AIDA: variants seen among roughly 807,000 people sequenced by gnomAD.
AIDA encodes the protein axin interactor, dorsalization-associated protein.
In AIDA, 18 loss-of-function variants were observed where a neutral mutation model predicts 42.7. The observed-to-expected ratio is 0.42, with a 90% CI of 0.29 to 0.63. The LOEUF (loss-of-function observed/expected upper bound fraction) is 0.63, where lower values mean the gene tolerates loss of function less well. Ranked by LOEUF, AIDA falls within the 20% of genes least tolerant of loss-of-function variation. The pLI, the probability that AIDA is intolerant of heterozygous loss-of-function variation, is 0.19. For synonymous variants in AIDA, 104 were observed against 122.9 expected (o/e 0.85, Z 1.02); for missense variants, 250 against 354.1 (o/e 0.71, Z 2.36).
intron 2 of AIDA, among the ~76,000 whole-genome samples, chr1:222,698,398 T>C (rs183875194): frequency 8.7e-4 from 132 of 152,046 alleles, no homozygotes; most frequent in African/African-American, 3.1e-3. Context: ...AACAATCATA[T>C]GTGAATAAAT....
Position 222,670,441 on chromosome 1 carries a change from G to A in AIDA, c.707-191C>T, listed in dbSNP as rs2124946168. 1.3e-5 allele frequency among the ~76,000 whole-genome samples: 2 copies of A among 152,246 alleles called. 1 individual carries two copies. Among genetic ancestry groups the A allele is most frequent in the South Asian group, 4.2e-4 (2 of 4,818 alleles). On this transcript the variant is annotated intron_variant, in intron 8 of 9. Coordinates refer to ENST00000340020, the MANE Select transcript of AIDA (RefSeq NM_022831.4). The stretch of plus-strand genomic sequence containing the variant: ...CCCCGAACTCTTCTGTATCTGAGTA[G>A]AGTGACATTTCTCCTTATCATCCAA...
rs1396404998 is a variant in AIDA, at chr1:222,669,005, T to C, written c.*888A>G. The C allele has an allele frequency of 3.9e-5, 6 of 152,226 alleles. No individual in the cohort carries two copies. In the East Asian group the frequency reaches 1.2e-3, roughly 29 times the overall value. The allele number at this position is 152,226 out of a possible 1,614,324, so 9.4% of individuals were successfully genotyped here. ...AAGAAGAGGTATGCAGGTTTTAAGG[T>C]TTCACAATCAGTTGTCAGAAAAACA... On this transcript the variant is annotated 3_prime_UTR_variant, in exon 10 of 10. Transcript: ENST00000340020.
intron 1 of AIDA, 29 bp downstream of exon 1, chr1:222,712,179 C>G: frequency 6.4e-7 from 1 of 1,572,784 alleles, no homozygotes; most frequent in South Asian, 1.2e-5. Flanking sequence ...TGGAGCCGGT[C>G]TGGCCTGCTC....
intron 1 of AIDA, 21 bp from the exon 2 acceptor site, chr1:222,703,238 C>A (rs778728295): frequency 2.7e-5 from 43 of 1,579,870 alleles, no homozygotes; most frequent in Non-Finnish European, 3.6e-5. Flanking sequence ...AAAACATATT[C>A]TTTAGAATGG....
chr1:222,694,205 C>A lies in AIDA; in HGVS notation c.234+5G>T, dbSNP rs1013408910. 35 of 1,607,994 alleles carry A rather than the reference C, an allele frequency of 2.2e-5. No homozygotes were observed. The African/African-American group carries it at 3.6e-4, about 17-fold the overall frequency. ...CTTGTATTACAGAAGAGAAAAACTCCTTACCTGTAAAGCTGCACTTCGCAA... is the reference window on the plus strand; with the variant it reads ...CTTGTATTACAGAAGAGAAAAACTCATTACCTGTAAAGCTGCACTTCGCAA... On this transcript the variant is annotated splice_donor_5th_base_variant and intron_variant, in intron 3 of 9. Transcript: ENST00000340020.
rs1420516191 is a variant in AIDA, at chr1:222,703,235, AT to A, written c.111-19del. The stretch of plus-strand genomic sequence containing the variant: ...TTGCTAATCTGTAAGAAGAAAACAT[AT>A]TCTTTAGAATGGAAGAAAAGCAAAC... On this transcript the variant is annotated intron_variant, in intron 1 of 9. Coordinates refer to ENST00000340020, the MANE Select transcript of AIDA (RefSeq NM_022831.4). The A allele has an allele frequency of 6.3e-7, 1 of 1,580,028 alleles. No homozygotes were observed. Among genetic ancestry groups the A allele is most frequent in the Non-Finnish European group, 8.6e-7 (1 of 1,162,364 alleles).
intron 1 of AIDA, among the ~76,000 whole-genome samples, chr1:222,708,106 C>A (rs543706097): frequency 6.6e-6 from 1 of 151,814 alleles, no homozygotes; most frequent in Non-Finnish European, 1.5e-5. Context: ...GTCAGGAGTT[C>A]GAGACCAGCC....
At chr1:222,699,100 C>G (rs552452911) in intron 2 of AIDA, among the ~76,000 whole-genome samples, 1 of 152,358 alleles carries the variant, frequency 6.6e-6, no homozygotes, top group East Asian at 1.9e-4. Flanking sequence ...GCTGCGATTA[C>G]AGGTGTGAGA....
chr1:222,670,083 T>C lies in AIDA; in HGVS notation c.824+50A>G, dbSNP rs1253369251. ...GGATATGGGGGATTCAGAAGAAAGATATACTAGTCACCATCAAATTAGTAC... is the reference window on the plus strand; with the variant it reads ...GGATATGGGGGATTCAGAAGAAAGACATACTAGTCACCATCAAATTAGTAC... On this transcript the variant is annotated intron_variant, in intron 9 of 9. Transcript: ENST00000340020. 3.7e-6 allele frequency: 6 copies of C among 1,606,700 alleles called. No individual in the cohort carries two copies. The African/African-American group carries it at 8.0e-5, about 21-fold the overall frequency.
intron 5 of AIDA, 116 bp from the exon 6 acceptor site, chr1:222,687,152 G>A (rs866009965): frequency 6.1e-6 from 9 of 1,478,142 alleles, no homozygotes; most frequent in East Asian, 5.0e-5. Context: ...CTGATAGGCC[G>A]GGTGTGGTGG....
chr1:222,710,791 A>G (rs887479941), intron 1 of AIDA, among the ~76,000 whole-genome samples: 3 of 152,198 alleles, frequency 2.0e-5, no homozygotes, highest in African/African-American at 7.2e-5. Flanking sequence ...CCTGAGCTTC[A>G]GTTTTCCTCA....
chr1:222,671,900 T>TA (rs1161531368), intron 8 of AIDA, among the ~76,000 whole-genome samples: 1 of 152,210 alleles, frequency 6.6e-6, no homozygotes, highest in Non-Finnish European at 1.5e-5. Context: ...ATGTGAATGA[T>TA]AAAGTCACGT....
chr1:222,697,144 T>A (rs879851407), intron 2 of AIDA, among the ~76,000 whole-genome samples: 11 of 151,892 alleles, frequency 7.2e-5, no homozygotes, highest in Non-Finnish European at 1.6e-4. Context: ...GGTTTCACCA[T>A]GTTGGCCAGG....
At chr1:222,675,568 A>G (rs998848146) in intron 7 of AIDA, among the ~76,000 whole-genome samples, 1 of 152,230 alleles carries the variant, frequency 6.6e-6, no homozygotes, top group Admixed American at 6.5e-5. Flanking sequence ...CAGAGCATGC[A>G]TACTATGGAT....
rs1480223614 is a variant in AIDA, at chr1:222,676,934, A to C, written c.461-716T>G. Among the ~76,000 whole-genome samples, 17 of 148,566 alleles carry C rather than the reference A, an allele frequency of 1.1e-4. 1 individual carries two copies. The highest frequency in any genetic ancestry group is 3.4e-3 in the Middle Eastern group (1 of 292). On this transcript the variant is annotated intron_variant, in intron 6 of 9. Transcript: ENST00000340020. ...TGAAGCAAAAAAACCACAAAAAAAA[A>C]CAAACAAAAAAAAACCCATCCGTTG...
chr1:222,703,300 T>A (rs1655760371), intron 1 of AIDA, 83 bp from the exon 2 acceptor site: 1 of 1,009,342 alleles, frequency 9.9e-7, no homozygotes, highest in Non-Finnish European at 1.5e-6. Flanking sequence ...CTTTTTAACA[T>A]GTGAAGTACA....
rs950687794 is a variant in AIDA at position 222,668,790 on chromosome 1, C to T, written c.*1103G>A. 4.9e-5 allele frequency: 7 copies of T among 144,056 alleles called. No homozygotes were observed. The highest frequency in any genetic ancestry group is 6.8e-3 in the Middle Eastern group (2 of 292). The allele number at this position is 144,056 out of a possible 1,614,324, so 8.9% of individuals were successfully genotyped here. ...CGCAAATGTTCTGTGTATCAAATAT[C>T]CACCTCATGTGTACTATGAAAGTTT... On this transcript the variant is annotated 3_prime_UTR_variant, in exon 10 of 10. Transcript: ENST00000340020.
At chr1:222,694,558 GT>G (rs977164214) in intron 2 of AIDA, among the ~76,000 whole-genome samples, 7 of 152,288 alleles carry the variant, frequency 4.6e-5, no homozygotes, top group African/African-American at 1.7e-4. Flanking sequence ...GGTATCTTCT[GT>G]TCCAAGCTTC....
Position 222,712,389 on chromosome 1 carries a change from G to C in AIDA, c.-72C>G. On this transcript the variant is annotated 5_prime_UTR_variant, in exon 1 of 10. Coordinates refer to ENST00000340020, the MANE Select transcript of AIDA (RefSeq NM_022831.4). ...GGGTTCTAGGGCGCCATCCTCCCCCGGCCTGGCCCCGACATTAACAGGGCC... is the reference window on the plus strand; with the variant it reads ...GGGTTCTAGGGCGCCATCCTCCCCCCGCCTGGCCCCGACATTAACAGGGCC... 2.3e-6 allele frequency: 3 copies of C among 1,282,544 alleles called. No homozygotes were observed. The highest frequency in any genetic ancestry group is 3.0e-6 in the Non-Finnish European group (3 of 996,590). The allele number at this position is 1,282,544 out of a possible 1,614,324, so 79.4% of individuals were successfully genotyped here. A position where few individuals can be genotyped will look rare whatever the true frequency, so the allele number is the denominator to read the frequency against.
Sources: gnomAD v4.1 joint callset for allele counts (sites outside exome capture counted in the v4.1 genomes callset) on GRCh38, gnomAD v4.1.1 for gene constraint, MANE v1.5 for transcripts, NCBI Gene and HGNC (gene_info 2026-07-23, HGNC 2026-07-21) for gene names.